Variants in CSMD1 observed in about 807,000 individuals in gnomAD.
CSMD1 encodes the protein CUB and sushi domain-containing protein 1.
In CSMD1, 213 loss-of-function variants were observed where a neutral mutation model predicts 417.5. The ratio of observed to expected loss-of-function variants is 0.51; its 90% CI spans 0.46 to 0.57. The LOEUF (loss-of-function observed/expected upper bound fraction) is 0.57, where lower values mean the gene tolerates loss of function less well. CSMD1 is among the 20% of genes least tolerant of loss of function. CSMD1 has a pLI of 0.00. For synonymous variants in CSMD1, 2,862 were observed against 1,736.8 expected, an observed-to-expected ratio of 1.65 and a Z score of -16.11; for missense variants, 6,923 against 4,529.7, an observed-to-expected ratio of 1.53 and a Z score of -15.17.
At chr8:4,803,508 C>T (rs1470610648) in intron 1 of CSMD1, among the ~76,000 whole-genome samples, 4 of 152,102 alleles carry the variant, frequency 2.6e-5, no homozygotes, top group African/African-American at 4.8e-5. Context: ...GCCCGACATT[C>T]AACAGACCAG....
intron 2 of CSMD1, among the ~76,000 whole-genome samples, chr8:4,463,469 T>C (rs965322166): frequency 6.6e-6 from 1 of 152,178 alleles, no homozygotes; most frequent in African/African-American, 2.4e-5. Flanking sequence ...CAAATGGTTA[T>C]AGCAGAGTTA....
At position 3,387,545 on chromosome 8, in the gene CSMD1, G is replaced by C. The variant is rs758613165; in HGVS notation, c.2731C>G (p.Leu911Val). The C allele has an allele frequency of 5.0e-6, 8 of 1,601,794 alleles. No individual in the cohort carries two copies. Among genetic ancestry groups the C allele is most frequent in the African/African-American group, 4.0e-5 (3 of 74,686 alleles). The change falls in exon 18 of 70, where the codon CTC becomes GTC. Residue 911 changes from leucine to valine, a missense_variant. By Grantham distance (32) the Leu-to-Val change is conservative. Transcript: ENST00000635120. The stretch of plus-strand genomic sequence containing the variant: ...CACTGGTGGTTCCTCTCACAGACGA[G>C]GGGCTCGTCGTCACTTAGTGTGTAC... ...PGYTLSDDEP[L>V]VCERNHQWNH...
In CSMD1 at chr8:3,852,517, C is replaced by T. The variant is rs115749583; in HGVS notation, c.819-98475G>A. ...AGATGCTGACAGTTGACGATAAATT[C>T]CAGAAAACATAGTAGATGGTGTTAG... On this transcript the variant is annotated intron_variant, in intron 5 of 69. Coordinates refer to ENST00000635120, the MANE Select transcript of CSMD1 (RefSeq NM_033225.6). 1.9e-3 allele frequency among the ~76,000 whole-genome samples: 293 copies of T among 152,208 alleles called. 2 individuals carry two copies. Among genetic ancestry groups the T allele is most frequent in the African/African-American group, 6.5e-3 (270 of 41,520 alleles).
chr8:3,609,711 T>G (rs908161661), intron 8 of CSMD1, among the ~76,000 whole-genome samples: 2 of 146,342 alleles, frequency 1.4e-5, no homozygotes, highest in Non-Finnish European at 3.0e-5. Flanking sequence ...GATTACATGT[T>G]AGTCATTAGT....
intron 2 of CSMD1, among the ~76,000 whole-genome samples, chr8:4,485,925 T>C (rs1444776538): frequency 6.6e-6 from 1 of 151,962 alleles, no homozygotes; most frequent in Non-Finnish European, 1.5e-5. Context: ...GAAGTTCATT[T>C]CAATTATTTT....
At chr8:3,598,302 A>G (rs994491774) in intron 8 of CSMD1, 1 of 152,174 alleles carries the variant, frequency 6.6e-6, no homozygotes, top group Non-Finnish European at 1.5e-5. Context: ...GCTTCCTCGC[A>G]CCTACTTTCC....
intron 3 of CSMD1, among the ~76,000 whole-genome samples, chr8:4,255,636 C>G (rs1585106787): frequency 6.6e-6 from 1 of 152,188 alleles, no homozygotes; most frequent in Non-Finnish European, 1.5e-5. Context: ...CAACCTCGCA[C>G]TGCATCATTT....
In CSMD1 at chr8:3,477,095, G is replaced by C. The variant is rs146937646; in HGVS notation, c.1449-8271C>G. On this transcript the variant is annotated intron_variant, in intron 11 of 69. Coordinates refer to ENST00000635120, the MANE Select transcript of CSMD1 (RefSeq NM_033225.6). ...AGTCATAGATCTGTACACACAGAAA[G>C]TTCTACTTTACTGTATATCACTTAA... 1.1e-3 allele frequency among the ~76,000 whole-genome samples: 166 copies of C among 152,270 alleles called. 1 individual carries two copies. Among genetic ancestry groups the C allele is most frequent in the Non-Finnish European group, 1.9e-3 (131 of 68,024 alleles).
chr8:3,973,862 T>C (rs538762069), intron 5 of CSMD1, among the ~76,000 whole-genome samples: 1 of 152,314 alleles, frequency 6.6e-6, no homozygotes, highest in Non-Finnish European at 1.5e-5. Flanking sequence ...TAAGTGTTTA[T>C]GGGTAACTAT....
intron 5 of CSMD1, among the ~76,000 whole-genome samples, chr8:3,779,275 A>G (rs1186621253): frequency 5.3e-5 from 8 of 151,928 alleles, no homozygotes; most frequent in Admixed American, 4.6e-4. Flanking sequence ...TGTTTGCTTG[A>G]GCTTTTATGA....
At chr8:4,368,491 G>C (rs1173335086) in intron 3 of CSMD1, among the ~76,000 whole-genome samples, 1 of 152,142 alleles carries the variant, frequency 6.6e-6, no homozygotes, top group Non-Finnish European at 1.5e-5. Context: ...TTCATAAAGT[G>C]ACTTAGAGAG....
At chr8:3,747,265 A>T (rs975585108) in intron 6 of CSMD1, among the ~76,000 whole-genome samples, 2 of 152,142 alleles carry the variant, frequency 1.3e-5, no homozygotes, top group African/African-American at 4.8e-5. Context: ...GCCATCCAAT[A>T]ACCCCATGCC....
At chr8:4,647,379 C>G (rs1473108404) in intron 1 of CSMD1, among the ~76,000 whole-genome samples, 1 of 149,078 alleles carries the variant, frequency 6.7e-6, no homozygotes, top group Non-Finnish European at 1.5e-5. Context: ...TACGTAGGTA[C>G]GCGTGTGCCA....
At chr8:4,735,655 C>G (rs980887429) in intron 1 of CSMD1, among the ~76,000 whole-genome samples, 4 of 152,198 alleles carry the variant, frequency 2.6e-5, no homozygotes, top group African/African-American at 4.8e-5. Flanking sequence ...CTAGCACGCA[C>G]TGATGTCTTC....
At chr8:3,886,538 G>A (rs534478711) in intron 5 of CSMD1, among the ~76,000 whole-genome samples, 1 of 152,210 alleles carries the variant, frequency 6.6e-6, no homozygotes, top group East Asian at 1.9e-4. Context: ...GCAGGCCATG[G>A]ACAGCACTTT....
intron 3 of CSMD1, among the ~76,000 whole-genome samples, chr8:4,286,390 C>T (rs1393670033): frequency 6.6e-6 from 1 of 152,080 alleles, no homozygotes. Flanking sequence ...AGTCCTTCAC[C>T]AAGGGCTTCA....
intron 1 of CSMD1, among the ~76,000 whole-genome samples, chr8:4,776,894 G>C (rs1796881236): frequency 6.6e-6 from 1 of 152,150 alleles, no homozygotes; most frequent in Non-Finnish European, 1.5e-5. Context: ...TCTTTAAAAG[G>C]AGATCATAAC....
rs1455995158 is a variant in CSMD1, at chr8:4,994,429, T to C, written c.-13A>G. ...TCCACGCAGTCATGTCTGCAGATAC[T>C]CCACACGCACGCGACACCGATGGCT... On this transcript the variant is annotated 5_prime_UTR_variant, in exon 1 of 70. Coordinates refer to ENST00000635120, the MANE Select transcript of CSMD1 (RefSeq NM_033225.6). 1.2e-6 allele frequency: 2 copies of C among 1,608,492 alleles called. No individual in the cohort carries two copies. The highest frequency in any genetic ancestry group is 1.7e-6 in the Non-Finnish European group (2 of 1,177,874).
intron 3 of CSMD1, among the ~76,000 whole-genome samples, chr8:4,411,130 T>C (rs1033543368): frequency 2.0e-5 from 3 of 152,120 alleles, no homozygotes; most frequent in Non-Finnish European, 4.4e-5. Context: ...CCAACCTCCA[T>C]AACCATGAGA....
Sources: gnomAD v4.1 joint callset for allele counts (sites outside exome capture counted in the v4.1 genomes callset) on GRCh38, gnomAD v4.1.1 for gene constraint, MANE v1.5 for transcripts, NCBI Gene and HGNC (gene_info 2026-07-23, HGNC 2026-07-21) for gene names.